OPCML: variants seen among roughly 807,000 people sequenced by gnomAD.
OPCML encodes the protein opioid-binding protein/cell adhesion molecule.
Under a neutral mutation model 37.8 loss-of-function variants are expected in OPCML, and 13 were observed. The observed-to-expected ratio is 0.34, with a 90% CI of 0.22 to 0.55. The LOEUF (loss-of-function observed/expected upper bound fraction) is 0.55, where lower values mean the gene tolerates loss of function less well. Among genes scored for constraint, OPCML ranks in the 20% least tolerant of loss-of-function variants. OPCML has a pLI of 0.91. For synonymous variants in OPCML, 176 were observed against 168.8 expected, an observed-to-expected ratio of 1.04 and a Z score of -0.33; for missense variants, 341 against 435.6, an observed-to-expected ratio of 0.78 and a Z score of 1.93.
chr11:132,769,745 C>T (rs556894726), intron 2 of OPCML, among the ~76,000 whole-genome samples: 3 of 152,044 alleles, frequency 2.0e-5, no homozygotes, highest in Non-Finnish European at 4.4e-5. Flanking sequence ...GCTTAAAGGT[C>T]GAAGCACCGG....
At chr11:133,521,839 G>A (rs1201281707) in intron 1 of OPCML, among the ~76,000 whole-genome samples, 1 of 152,238 alleles carries the variant, frequency 6.6e-6, no homozygotes, top group Admixed American at 6.5e-5. Flanking sequence ...AGCTTATTCG[G>A]AGAAGCCAAA....
At chr11:133,289,126 T>G (rs1257476459) in intron 1 of OPCML, among the ~76,000 whole-genome samples, 1 of 152,148 alleles carries the variant, frequency 6.6e-6, no homozygotes, top group Non-Finnish European at 1.5e-5. Context: ...TGTTGCTTGT[T>G]TTTGTTGAAA....
chr11:132,444,724 A>G (rs574115498), intron 4 of OPCML, among the ~76,000 whole-genome samples: 5 of 151,328 alleles, frequency 3.3e-5, no homozygotes, highest in African/African-American at 4.9e-5. Context: ...TCTGTCCCCA[A>G]CTCCGTCCCC....
intron 1 of OPCML, among the ~76,000 whole-genome samples, chr11:133,010,358 G>T (rs1381753099): frequency 6.6e-6 from 1 of 152,208 alleles, no homozygotes; most frequent in African/African-American, 2.4e-5. Flanking sequence ...GTGAATAAAT[G>T]GGTGAACAAA....
At chr11:133,098,914 A>G (rs953180820) in intron 1 of OPCML, among the ~76,000 whole-genome samples, 2 of 152,230 alleles carry the variant, frequency 1.3e-5, no homozygotes, top group Non-Finnish European at 2.9e-5. Flanking sequence ...TCATCTATGT[A>G]GCAAATACAG....
chr11:133,136,946 G>A (rs2137150767), intron 1 of OPCML, among the ~76,000 whole-genome samples: 1 of 151,502 alleles, frequency 6.6e-6, no homozygotes, highest in South Asian at 2.1e-4. Context: ...GAAAGGAATG[G>A]TCATCAGAAG....
At chr11:133,313,797 G>A (rs911764186) in intron 1 of OPCML, among the ~76,000 whole-genome samples, 1 of 152,114 alleles carries the variant, frequency 6.6e-6, no homozygotes, top group African/African-American at 2.4e-5. Context: ...TTAGATTTCT[G>A]TGCTATAAAA....
intron 1 of OPCML, among the ~76,000 whole-genome samples, chr11:133,314,108 G>T (rs542499748): frequency 4.2e-4 from 63 of 148,924 alleles, no homozygotes; most frequent in African/African-American, 1.4e-3. Context: ...AGTGGCGGGC[G>T]CCTGTAGTCC....
chr11:133,135,459 T>A (rs1381581955), intron 1 of OPCML, among the ~76,000 whole-genome samples: 1 of 119,206 alleles, frequency 8.4e-6, no homozygotes, highest in African/African-American at 2.9e-5. Flanking sequence ...TTTTTTTTTT[T>A]AACTGTTGGG....
intron 1 of OPCML, among the ~76,000 whole-genome samples, chr11:132,944,956 T>C (rs559368587): frequency 6.6e-6 from 1 of 152,374 alleles, no homozygotes; most frequent in African/African-American, 2.4e-5. Context: ...TAAGCTCTTA[T>C]CGTTTATTAC....
At chr11:133,293,894 T>TCAAACACA (rs1300037388) in intron 1 of OPCML, among the ~76,000 whole-genome samples, 1 of 4,500 alleles carries the variant, frequency 2.2e-4, no homozygotes, top group African/African-American at 8.2e-4. Context: ...AAAAAAGACT[T>TCAAACACA]CACACACACA....
At chr11:133,140,859 A>C (rs796478714) in intron 1 of OPCML, among the ~76,000 whole-genome samples, 644 of 33,486 alleles carry the variant, frequency 0.019, 119 homozygotes, top group African/African-American at 0.038. Context: ...ACGACGAAGA[A>C]GACGACGACG....
intron 1 of OPCML, among the ~76,000 whole-genome samples, chr11:133,033,218 C>T (rs950767394): frequency 7.9e-5 from 12 of 152,176 alleles, no homozygotes; most frequent in Admixed American, 7.2e-4. Flanking sequence ...TAGATTCACA[C>T]AAGGCATTCT....
chr11:132,430,693 T>A (rs938364730), intron 7 of OPCML, among the ~76,000 whole-genome samples: 1 of 152,168 alleles, frequency 6.6e-6, no homozygotes, highest in African/African-American at 2.4e-5. Context: ...TGTAACTGAT[T>A]TGTGTCGCTG....
intron 4 of OPCML, among the ~76,000 whole-genome samples, chr11:132,513,113 T>G (rs1286730151): frequency 6.6e-6 from 1 of 152,128 alleles, no homozygotes; most frequent in African/African-American, 2.4e-5. Context: ...TTTGTAGCCC[T>G]AATGTTAAGC....
intron 1 of OPCML, chr11:133,298,259 G>A (rs958242850): frequency 2.0e-5 from 3 of 152,110 alleles, no homozygotes; most frequent in African/African-American, 7.2e-5. Context: ...TAGCCAAGAA[G>A]AAAGATAGGG....
chr11:133,199,334 C>A (rs1178278332), intron 1 of OPCML, among the ~76,000 whole-genome samples: 1 of 152,058 alleles, frequency 6.6e-6, no homozygotes, highest in Non-Finnish European at 1.5e-5. Context: ...TGGAAATTAC[C>A]TTTGCTTTTA....
rs1218951914 is a variant in OPCML at position 132,570,798 on chromosome 11, T to TAC, written c.380-41613_380-41612insGT. ...ATATATATATATATATATATATATA[T>TAC]ATATTTAGAGAGAGAGAGAGAGGAT... On this transcript the variant is annotated intron_variant, in intron 3 of 7. Coordinates refer to ENST00000524381, the MANE Select transcript of OPCML (RefSeq NM_001012393.5). 1.9e-5 allele frequency among the ~76,000 whole-genome samples: 2 copies of TAC among 106,684 alleles called. 1 individual carries two copies. The highest frequency in any genetic ancestry group is 9.0e-5 in the African/African-American group (2 of 22,154). The allele number at this position is 106,684 out of a possible 152,430, so 70.0% of individuals were successfully genotyped here. A position where few individuals can be genotyped will look rare whatever the true frequency, so the allele number is the denominator to read the frequency against.
intron 3 of OPCML, among the ~76,000 whole-genome samples, chr11:132,557,882 A>T (rs2096399528): frequency 6.6e-6 from 1 of 152,198 alleles, no homozygotes; most frequent in African/African-American, 2.4e-5. Flanking sequence ...TTTTAGAGGT[A>T]TTTATAGATA....
Sources: gnomAD v4.1 joint callset for allele counts (sites outside exome capture counted in the v4.1 genomes callset) on GRCh38, gnomAD v4.1.1 for gene constraint, MANE v1.5 for transcripts, NCBI Gene and HGNC (gene_info 2026-07-23, HGNC 2026-07-21) for gene names.